LITAF: variants seen among roughly 807,000 people sequenced by gnomAD.
LITAF encodes the protein lipopolysaccharide induced TNF factor.
A neutral mutation model predicts 14.5 loss-of-function variants in LITAF; 9 were observed. The ratio of observed to expected loss-of-function variants is 0.62; its 90% confidence interval spans 0.37 to 1.08. The LOEUF is 1.08. Among genes scored for constraint, LITAF ranks in the 50% least tolerant of loss-of-function variants. The pLI is 0.01. For synonymous variants in LITAF, 98 were observed against 88.2 expected, an observed-to-expected ratio of 1.11 and a Z score of -0.62; for missense variants, 206 against 213.4, an observed-to-expected ratio of 0.97 and a Z score of 0.22.
intron 3 of LITAF, among the ~76,000 whole-genome samples, chr16:11,631,456 C>T (rs1027990842): frequency 6.6e-6 from 1 of 152,120 alleles, no homozygotes; most frequent in African/African-American, 2.4e-5. Flanking sequence ...AGTGCAGTGG[C>T]GTGAACATAG....
In LITAF at chr16:11,632,151, G is replaced by A. The variant is rs1160328707; in HGVS notation, c.85+1382C>T. On this transcript the variant is annotated intron_variant, in intron 3 of 3. Transcript: ENST00000574848. The surrounding 1 kb of genome is among the most constrained non-coding windows in gnomAD (Gnocchi z 4.8). Reference sequence around the variant, plus strand: ...CAAAGTGCTGGGATTACAGGCGTGAGCCACTGCGCCCGGCCTCGCAAAGAA... The same window carrying A: ...CAAAGTGCTGGGATTACAGGCGTGAACCACTGCGCCCGGCCTCGCAAAGAA... Among the ~76,000 whole-genome samples, 2 of 152,210 alleles carry A rather than the reference G, an allele frequency of 1.3e-5. No individual in the cohort carries two copies. The highest frequency in any genetic ancestry group is 6.5e-5 in the Admixed American group (1 of 15,274).
upstream of LITAF, among the ~76,000 whole-genome samples, chr16:11,637,879 TC>T: frequency 1.4e-5 from 1 of 71,072 alleles, no homozygotes; most frequent in African/African-American, 8.4e-5. Context: ...AGAACCTTCC[TC>T]AAAAAAAAAA....
chr16:11,628,177 C>T (rs375510530), intron 3 of LITAF, among the ~76,000 whole-genome samples: 3 of 152,148 alleles, frequency 2.0e-5, no homozygotes, highest in African/African-American at 7.2e-5. Flanking sequence ...AGACCTGGTT[C>T]GTTTCTCAAG....
chr16:11,622,164 G>A (rs934146002), intron 3 of LITAF, among the ~76,000 whole-genome samples: 1 of 152,150 alleles, frequency 6.6e-6, no homozygotes, highest in African/African-American at 2.4e-5. Context: ...GCCTGGTGGG[G>A]ACAGCTCAGA....
At chr16:11,623,067 C>T (rs2065061539) in intron 3 of LITAF, among the ~76,000 whole-genome samples, 1 of 151,156 alleles carries the variant, frequency 6.6e-6, no homozygotes, top group Non-Finnish European at 1.5e-5. Flanking sequence ...GGGTTCATGT[C>T]ATTCTTTTGC....
At chr16:11,576,842 G>A (rs935526094) in intron 1 of LITAF, among the ~76,000 whole-genome samples, 1 of 152,170 alleles carries the variant, frequency 6.6e-6, no homozygotes, top group African/African-American at 2.4e-5. Context: ...CCTTATTTGG[G>A]AGTCTTCTAT....
intron 1 of LITAF, among the ~76,000 whole-genome samples, chr16:11,566,463 G>A (rs1402741006): frequency 6.6e-6 from 1 of 152,150 alleles, no homozygotes; most frequent in Non-Finnish European, 1.5e-5. Context: ...ATCTGGAAAG[G>A]CATGAAGATT....
chr16:11,591,716 C>T (rs888247423), upstream of LITAF, among the ~76,000 whole-genome samples: 1 of 152,128 alleles, frequency 6.6e-6, no homozygotes, highest in South Asian at 2.1e-4. Context: ...TCTTGGCTCA[C>T]TGCAACATTC....
Position 11,579,459 on chromosome 16 carries a change from A to AAAAATAAAATAAAATAAAATAAAAT in LITAF, c.-6+7402_-6+7426dup, listed in dbSNP as rs57762611. Among the ~76,000 whole-genome samples, 47 of 110,400 alleles carry AAAAATAAAATAAAATAAAATAAAAT rather than the reference A, an allele frequency of 4.3e-4. 2 individuals carry two copies. Among genetic ancestry groups the AAAAATAAAATAAAATAAAATAAAAT allele is most frequent in the South Asian group, 3.7e-3 (10 of 2,724 alleles). 72.4% of individuals were successfully genotyped at this position (110,400 alleles called of 152,430 possible). On this transcript the variant is annotated intron_variant, in intron 1 of 3. Transcript: ENST00000622633. ...GGCGACAGAGCGAGACTCCGTCTCA[A>AAAAATAAAATAAAATAAAATAAAAT]AAAATAAAATAAAATAAAATAAAAT...
intron 2 of LITAF, 175 bp downstream of exon 2, chr16:11,556,336 G>A: frequency 1.6e-6 from 1 of 614,650 alleles, no homozygotes; most frequent in Non-Finnish European, 2.9e-6. Flanking sequence ...AAAGCTGTGA[G>A]CCTCACCAAC....
At chr16:11,607,330 A>G (rs1205821766) in intron 3 of LITAF, among the ~76,000 whole-genome samples, 1 of 152,218 alleles carries the variant, frequency 6.6e-6, no homozygotes, top group African/African-American at 2.4e-5. Flanking sequence ...CCTCCAGCAC[A>G]TTGCCTTGGC....
intron 1 of LITAF, among the ~76,000 whole-genome samples, chr16:11,578,054 C>A (rs1038153876): frequency 2.6e-5 from 4 of 152,026 alleles, no homozygotes; most frequent in Non-Finnish European, 5.9e-5. Flanking sequence ...CACCACCACA[C>A]TCAGCGATTT....
At chr16:11,628,481 T>C (rs1380067561) in intron 3 of LITAF, among the ~76,000 whole-genome samples, 1 of 152,194 alleles carries the variant, frequency 6.6e-6, no homozygotes, top group Non-Finnish European at 1.5e-5. Context: ...AAAACAAAGT[T>C]GGTCTTGACC....
intron 1 of LITAF, among the ~76,000 whole-genome samples, chr16:11,567,601 C>G (rs538744458): frequency 2.0e-5 from 3 of 152,128 alleles, no homozygotes; most frequent in Non-Finnish European, 4.4e-5. Flanking sequence ...AAGTTTATGG[C>G]ACTGCTAAAA....
intron 3 of LITAF, among the ~76,000 whole-genome samples, chr16:11,606,634 GTATC>G (rs2064956343): frequency 6.6e-6 from 1 of 151,604 alleles, no homozygotes; most frequent in Non-Finnish European, 1.5e-5. Flanking sequence ...CAAAACCATA[GTATC>G]TCTGAGGTAT....
chr16:11,558,081 C>T lies in LITAF; in HGVS notation c.-5-1346G>A, dbSNP rs1712187548. Among the ~76,000 whole-genome samples, 1 of 152,054 alleles carries T rather than the reference C, an allele frequency of 6.6e-6. No homozygotes were observed. Among genetic ancestry groups the T allele is most frequent in the East Asian group, 1.9e-4 (1 of 5,190 alleles). ...TCGGGAGAAATGGGAAATGAGGCTC[C>T]GGGGCAGCGAGCCACAACCACCACT... On this transcript the variant is annotated intron_variant, in intron 1 of 3. Coordinates refer to ENST00000622633, the MANE Select transcript of LITAF (RefSeq NM_001136472.2). The surrounding 1 kb of genome is among the most constrained non-coding windows in gnomAD (Gnocchi z 4.1).
intron 3 of LITAF, among the ~76,000 whole-genome samples, chr16:11,626,873 GTC>G (rs1420000080): frequency 6.6e-6 from 1 of 151,460 alleles, no homozygotes; most frequent in East Asian, 1.9e-4. Flanking sequence ...TTGAAATGGA[GTC>G]TCTGTCGCTC....
chr16:11,608,617 A>G (rs189666878), intron 3 of LITAF, among the ~76,000 whole-genome samples: 4 of 152,352 alleles, frequency 2.6e-5, no homozygotes, highest in Admixed American at 1.3e-4. Context: ...TACGGGCTGC[A>G]TCGTGGATGA....
intron 3 of LITAF, among the ~76,000 whole-genome samples, chr16:11,614,247 G>GCCTTCT (rs201422361): frequency 0.011 from 1,634 of 151,864 alleles, 13 homozygotes; most frequent in Non-Finnish European, 0.014. Context: ...CCTTCTGGAG[G>GCCTTCT]CCTTCTCCTT....
Sources: allele counts gnomAD v4.1 joint callset (sites outside exome capture counted in the v4.1 genomes callset), GRCh38; gene constraint gnomAD v4.1.1; non-coding constraint Gnocchi (gnomAD v3.1); transcripts MANE v1.5; gene names NCBI Gene and HGNC (gene_info 2026-07-23, HGNC 2026-07-21).